BTD: variants seen among roughly 807,000 people sequenced by gnomAD.
BTD encodes biotinidase, also known as biocytinase.
BTD carries 13 observed loss-of-function variants against 17.7 expected under a neutral mutation model. That is an observed-to-expected ratio of 0.74 (90% CI 0.48 to 1.17). BTD has a LOEUF of 1.17. Among genes scored for constraint, BTD ranks in the 50% most tolerant of loss-of-function variants. The pLI, the probability that BTD is intolerant of heterozygous loss-of-function variation, is 0.00. For synonymous variants in BTD, 240 were observed against 245.2 expected, an observed-to-expected ratio of 0.98 and a Z score of 0.20; for missense variants, 674 against 650.4, an observed-to-expected ratio of 1.04 and a Z score of -0.39.
chr3:15,693,027 C>G (rs1484215884), intron 3 of BTD, among the ~76,000 whole-genome samples: 2 of 152,108 alleles, frequency 1.3e-5, no homozygotes, highest in Non-Finnish European at 1.5e-5. Flanking sequence ...TATGATTCCA[C>G]TTAAATGAGG....
chr3:15,710,529 A>T (rs1468058925), exon 4 of BTD, among the ~76,000 whole-genome samples: 1 of 152,128 alleles, frequency 6.6e-6, no homozygotes, highest in East Asian at 1.9e-4. Context: ...GGTTCAACGT[A>T]CTCGTCCTCT....
At chr3:15,659,970 G>C (rs903107397) in intron 3 of BTD, among the ~76,000 whole-genome samples, 13 of 152,226 alleles carry the variant, frequency 8.5e-5, no homozygotes, top group African/African-American at 3.1e-4. Context: ...TCAGATTCTA[G>C]ACTGTTTATT....
intron 3 of BTD, among the ~76,000 whole-genome samples, chr3:15,663,658 G>A (rs1422364037): frequency 6.6e-6 from 1 of 151,954 alleles, no homozygotes; most frequent in Non-Finnish European, 1.5e-5. Context: ...GCTCTGCTCT[G>A]TATTGAAGTC....
chr3:15,700,290 C>T (rs2070366532), intron 3 of BTD, among the ~76,000 whole-genome samples: 1 of 152,100 alleles, frequency 6.6e-6, no homozygotes, highest in South Asian at 2.1e-4. Context: ...TACACCGGGG[C>T]CTGTCCGGGG....
intron 3 of BTD, among the ~76,000 whole-genome samples, chr3:15,675,319 A>G (rs1337677572): frequency 6.6e-6 from 1 of 152,204 alleles, no homozygotes; most frequent in Non-Finnish European, 1.5e-5. Context: ...AATGAGAGGA[A>G]TAACTGCGGA....
chr3:15,606,033 A>T (rs1217756294), intron 1 of BTD, among the ~76,000 whole-genome samples: 34,329 of 119,552 alleles, frequency 0.29, 4,589 homozygotes, highest in Middle Eastern at 0.37. Context: ...ACAGAGCGAG[A>T]CCCTGTCTCA....
intron 1 of BTD, among the ~76,000 whole-genome samples, chr3:15,613,264 C>T (rs1189787114): frequency 6.6e-6 from 1 of 152,228 alleles, no homozygotes; most frequent in Non-Finnish European, 1.5e-5. Flanking sequence ...TCCAATTATG[C>T]ATATGATGGA....
At chr3:15,694,573 C>A (rs1397350607) in intron 3 of BTD, among the ~76,000 whole-genome samples, 2 of 149,764 alleles carry the variant, frequency 1.3e-5, no homozygotes, top group African/African-American at 4.9e-5. Context: ...AAACCCAGCA[C>A]ATTAAGTAAT....
In BTD at chr3:15,645,358, C is replaced by A; in HGVS notation, c.1442C>A (p.Thr481Asn). ...STSYIFPLFLTSGMTLEVPDQ... is the reference protein window; with the variant it reads ...STSYIFPLFLNSGMTLEVPDQ... Reference sequence around the variant, plus strand: ...TCCTATATCTTTCCTTTGTTTCTGACCTCAGGGATGACCCTAGAAGTCCCT... The same window carrying A: ...TCCTATATCTTTCCTTTGTTTCTGAACTCAGGGATGACCCTAGAAGTCCCT... The change falls in exon 4 of 4, where the codon ACC becomes AAC. Residue 481 changes from threonine (T) to asparagine (N), a missense_variant. Transcript: ENST00000643237. The A allele has an allele frequency of 6.2e-7, 1 of 1,614,210 alleles. No homozygotes were observed. The highest frequency in any genetic ancestry group is 8.5e-7 in the Non-Finnish European group (1 of 1,180,042).
intron 3 of BTD, among the ~76,000 whole-genome samples, chr3:15,662,519 C>T (rs1170504860): frequency 6.6e-6 from 1 of 152,184 alleles, no homozygotes; most frequent in South Asian, 2.1e-4. Context: ...TTCTGATTTT[C>T]TACATAAATG....
intron 3 of BTD, among the ~76,000 whole-genome samples, chr3:15,662,827 G>T (rs1353957027): frequency 7.2e-6 from 1 of 139,598 alleles, no homozygotes; most frequent in Admixed American, 7.3e-5. Context: ...TAGATACAGG[G>T]TTTCATCATC....
At position 15,649,300 on chromosome 3, in the gene BTD, G is replaced by A. The variant is rs912177434; in HGVS notation, c.*3812G>A. On this transcript the variant is annotated 3_prime_UTR_variant, in exon 4 of 4. Coordinates refer to ENST00000643237, the MANE Select transcript of BTD (RefSeq NM_001370658.1). ...AATGATCCAAGAGAGCACAGGTGGA[G>A]CCATGATGTCTTTTATTAACTAGTC... Among the ~76,000 whole-genome samples the A allele has an allele frequency of 6.6e-6, 1 of 152,220 alleles. No individual in the cohort carries two copies. The highest frequency in any genetic ancestry group is 2.4e-5 in the African/African-American group (1 of 41,448).
intron 1 of BTD, among the ~76,000 whole-genome samples, chr3:15,607,267 T>TTTTAAAAG (rs2064486135): frequency 6.6e-6 from 1 of 152,230 alleles, no homozygotes; most frequent in Non-Finnish European, 1.5e-5. Flanking sequence ...AATCTAACCT[T>TTTTAAAAG]TTTAAAAGAA....
chr3:15,639,337 T>C (rs899998410), intron 2 of BTD, among the ~76,000 whole-genome samples: 1 of 151,942 alleles, frequency 6.6e-6, no homozygotes, highest in Admixed American at 6.6e-5. Context: ...CAAATATAAT[T>C]TTCAAAAATC....
At chr3:15,672,807 GC>G (rs1329967200) in intron 3 of BTD, among the ~76,000 whole-genome samples, 2 of 152,160 alleles carry the variant, frequency 1.3e-5, no homozygotes, top group Admixed American at 1.3e-4. Flanking sequence ...ACGAAGTCTG[GC>G]TCTGTCACCC....
chr3:15,645,556 C>T lies in BTD; in HGVS notation c.*68C>T. Reference sequence around the variant, plus strand: ...GACAGCCTTGCACTTCCACAGGCTACAAGCCCTGGGACCATCTTTCTGCCT... The same window carrying T: ...GACAGCCTTGCACTTCCACAGGCTATAAGCCCTGGGACCATCTTTCTGCCT... On this transcript the variant is annotated 3_prime_UTR_variant, in exon 4 of 4. Transcript: ENST00000643237. 3.2e-6 allele frequency: 5 copies of T among 1,561,312 alleles called. No homozygotes were observed. Among genetic ancestry groups the T allele is most frequent in the Non-Finnish European group, 4.3e-6 (5 of 1,149,706 alleles).
intron 1 of BTD, among the ~76,000 whole-genome samples, chr3:15,629,150 T>G (rs2065141740): frequency 6.6e-6 from 1 of 152,204 alleles, no homozygotes; most frequent in Non-Finnish European, 1.5e-5. Context: ...GAGAGGCACC[T>G]GAGAAATGAA....
intron 3 of BTD, among the ~76,000 whole-genome samples, chr3:15,673,346 A>C (rs571609121): frequency 6.6e-6 from 1 of 152,326 alleles, no homozygotes; most frequent in African/African-American, 2.4e-5. Flanking sequence ...ATATCATCAG[A>C]AGTTAGTACA....
rs373249212 is a variant in BTD at position 15,635,689 on chromosome 3, G to A, written c.249+1G>A. On this transcript the variant is annotated splice_donor_variant, in intron 2 of 3. Transcript: ENST00000643237. LOFTEE classifies it high-confidence loss of function. The surrounding 1 kb of genome is among the most constrained non-coding windows in gnomAD (Gnocchi z 4.1). Reference sequence around the variant, plus strand: ...GCAAGTGATGACTGCAGCCCAAAAGGCAAGAATGCTCCTCGGAACCTGAGT... The same window carrying A: ...GCAAGTGATGACTGCAGCCCAAAAGACAAGAATGCTCCTCGGAACCTGAGT... 1.9e-6 allele frequency: 3 copies of A among 1,614,100 alleles called. No individual in the cohort carries two copies. Among genetic ancestry groups the A allele is most frequent in the East Asian group, 2.2e-5 (1 of 44,894 alleles).
Sources: allele counts gnomAD v4.1 joint callset (sites outside exome capture counted in the v4.1 genomes callset), GRCh38; gene constraint gnomAD v4.1.1; non-coding constraint Gnocchi (gnomAD v3.1); transcripts MANE v1.5; gene names NCBI Gene and HGNC (gene_info 2026-07-23, HGNC 2026-07-21).